The following SLC36A1 variants were observed in gnomAD, a reference collection of about 807,000 sequenced individuals.
The protein encoded by SLC36A1 is proton-coupled amino acid transporter 1.
In SLC36A1, 30 loss-of-function variants were observed where a neutral mutation model predicts 47.5. The ratio of observed to expected loss-of-function variants is 0.63; its 90% CI spans 0.47 to 0.86. The LOEUF (loss-of-function observed/expected upper bound fraction) is 0.86, where lower values mean the gene tolerates loss of function less well. SLC36A1 is among the 40% of genes least tolerant of loss of function. The pLI is 0.00. For missense variants in SLC36A1, 517 were observed against 606.0 expected (o/e 0.85, Z 1.54); for synonymous variants, 255 against 249.7 (o/e 1.02, Z -0.20).
the SLC36A1 span, among the ~76,000 whole-genome samples, chr5:151,423,420 A>T: frequency 1.3e-5 from 2 of 152,248 alleles, no homozygotes; most frequent in Non-Finnish European, 2.9e-5. Flanking sequence ...ATAAATAAAC[A>T]ATGACACACA....
chr5:151,374,965 T>A, the SLC36A1 span, among the ~76,000 whole-genome samples: 1 of 151,840 alleles, frequency 6.6e-6, no homozygotes, highest in Non-Finnish European at 1.5e-5. Flanking sequence ...ATCAGTCCCC[T>A]GTTGGATGCA....
At chr5:151,529,178 C>T in the SLC36A1 span, 4 of 1,613,800 alleles carry the variant, frequency 2.5e-6, no homozygotes, top group Non-Finnish European at 3.4e-6. Flanking sequence ...AGATCCTTAC[C>T]GTGAGGATGA....
At chr5:151,533,903 T>C in the SLC36A1 span, among the ~76,000 whole-genome samples, 1 of 152,222 alleles carries the variant, frequency 6.6e-6, no homozygotes, top group East Asian at 1.9e-4. Context: ...GCAATTTACC[T>C]TGTAAATTTT....
At chr5:151,546,527 G>A in the SLC36A1 span, among the ~76,000 whole-genome samples, 39 of 152,088 alleles carry the variant, frequency 2.6e-4, no homozygotes, top group African/African-American at 8.5e-4. Context: ...TGCATAGTAG[G>A]TGCTTCATAT....
At chr5:151,451,784 T>C (rs1753698480) in intron 1 of SLC36A1, among the ~76,000 whole-genome samples, 1 of 152,158 alleles carries the variant, frequency 6.6e-6, no homozygotes, top group Admixed American at 6.5e-5. Context: ...CTCAGGTGCT[T>C]TTTATTATGC....
the SLC36A1 span, among the ~76,000 whole-genome samples, chr5:151,392,368 T>C: frequency 7.1e-4 from 108 of 152,234 alleles, 1 homozygote; most frequent in African/African-American, 2.5e-3. Flanking sequence ...GATTCATTGA[T>C]TTTTTTGAAG....
chr5:151,373,071 A>G, the SLC36A1 span, among the ~76,000 whole-genome samples: 2 of 151,646 alleles, frequency 1.3e-5, no homozygotes, highest in African/African-American at 4.9e-5. Context: ...TAAAATAAAT[A>G]TTTGAAGAAA....
At chr5:151,542,689 C>A in the SLC36A1 span, 1 of 1,614,192 alleles carries the variant, frequency 6.2e-7, no homozygotes, top group South Asian at 1.1e-5. Flanking sequence ...GACTGAGGTC[C>A]CCACTGGCAT....
At chr5:151,463,488 G>A in intron 2 of SLC36A1, 65 bp from the exon 3 acceptor site, 2 of 1,110,138 alleles carry the variant, frequency 1.8e-6, no homozygotes, top group Non-Finnish European at 2.8e-6. Flanking sequence ...ATGCATATAA[G>A]CACTGAGATC....
intron 8 of SLC36A1, among the ~76,000 whole-genome samples, chr5:151,474,159 C>CAAAAAAAAAAAAAAAAAAAAAA (rs1156305401): frequency 5.2e-4 from 31 of 59,940 alleles, no homozygotes; most frequent in African/African-American, 2.6e-3. Flanking sequence ...GACTCTGTCT[C>CAAAAAAAAAAAAAAAAAAAAAA]AAAAAAAAAA....
intron 7 of SLC36A1, among the ~76,000 whole-genome samples, chr5:151,471,225 T>G (rs953877642): frequency 6.6e-6 from 1 of 152,238 alleles, no homozygotes; most frequent in Non-Finnish European, 1.5e-5. Flanking sequence ...TCATTTCACT[T>G]AAAGTCTCAG....
the SLC36A1 span, among the ~76,000 whole-genome samples, chr5:151,499,844 T>G: frequency 6.6e-6 from 1 of 152,218 alleles, no homozygotes; most frequent in Non-Finnish European, 1.5e-5. Context: ...CTGCGTTTCC[T>G]TCTCCAATAG....
the SLC36A1 span, chr5:151,431,181 G>C: frequency 5.9e-5 from 9 of 152,300 alleles, no homozygotes; most frequent in African/African-American, 2.2e-4. Flanking sequence ...GGAGAGCACA[G>C]ATTTAGCTCT....
chr5:151,423,529 C>T, the SLC36A1 span, among the ~76,000 whole-genome samples: 15 of 152,070 alleles, frequency 9.9e-5, no homozygotes, highest in African/African-American at 3.4e-4. Flanking sequence ...GTGAAAGAAA[C>T]CAATCTGAAA....
upstream of SLC36A1, among the ~76,000 whole-genome samples, chr5:151,436,881 T>A (rs1025109839): frequency 6.6e-6 from 1 of 152,064 alleles, no homozygotes; most frequent in Non-Finnish European, 1.5e-5. Flanking sequence ...TGCTAGTAAG[T>A]GGCAGGGCTG....
the SLC36A1 span, among the ~76,000 whole-genome samples, chr5:151,359,184 T>C: frequency 1.1e-3 from 175 of 152,272 alleles, 4 homozygotes; most frequent in East Asian, 0.025. Context: ...AATAGCAAAC[T>C]GTCTGAACCA....
rs753185402 is a variant in SLC36A1 at position 151,473,745 on chromosome 5, A to AT, written c.802dup (p.Ser268PhefsTer3). The AT allele has an allele frequency of 6.8e-6, 11 of 1,613,584 alleles. No individual in the cohort carries two copies. Among genetic ancestry groups the AT allele is most frequent in the East Asian group, 4.5e-5 (2 of 44,870 alleles). On this transcript the variant is annotated frameshift_variant, in exon 8 of 11. Coordinates refer to ENST00000243389, the MANE Select transcript of SLC36A1 (RefSeq NM_078483.4). LOFTEE classifies it high-confidence loss of function. ...CTACCCTCTCTTCTTTGGCACAGCG[A>AT]TTTTTTCATTTGAAGGCATTGGAAT...
chr5:151,522,728 G>C, the SLC36A1 span, among the ~76,000 whole-genome samples: 1 of 152,230 alleles, frequency 6.6e-6, no homozygotes, highest in Non-Finnish European at 1.5e-5. Flanking sequence ...GGGATGAGAA[G>C]AAGAGGCGAC....
chr5:151,360,910 G>A, the SLC36A1 span, among the ~76,000 whole-genome samples: 34 of 152,234 alleles, frequency 2.2e-4, no homozygotes, highest in South Asian at 1.9e-3. Flanking sequence ...ATTTCTCCAA[G>A]ATCCATATCT....
Sources: allele counts gnomAD v4.1 joint callset (sites outside exome capture counted in the v4.1 genomes callset), GRCh38; gene constraint gnomAD v4.1.1; transcripts MANE v1.5; gene names NCBI Gene and HGNC (gene_info 2026-07-23, HGNC 2026-07-21).